MED12L: variants seen among roughly 807,000 people sequenced by gnomAD.
MED12L encodes the protein mediator complex subunit 12L.
A neutral mutation model predicts 281.3 loss-of-function variants in MED12L; 60 were observed. The observed-to-expected ratio is 0.21, with a 90% CI of 0.17 to 0.26. MED12L has a LOEUF of 0.26. MED12L is among the 10% of genes least tolerant of loss of function. The probability of loss-of-function intolerance (pLI) is 1.00; values close to 1 mark genes in which losing one functional copy is unlikely to be tolerated. For synonymous variants in MED12L, 974 were observed against 987.2 expected, an observed-to-expected ratio of 0.99 and a Z score of 0.25; for missense variants, 2,146 against 2,680.9, an observed-to-expected ratio of 0.80 and a Z score of 4.41.
chr3:151,318,340 G>T (rs1194039252), intron 16 of MED12L, among the ~76,000 whole-genome samples: 1 of 142,722 alleles, frequency 7.0e-6, no homozygotes, highest in Non-Finnish European at 1.5e-5. Flanking sequence ...AGCATTTGAA[G>T]CCAGTTTCTT....
intron 16 of MED12L, among the ~76,000 whole-genome samples, chr3:151,252,210 C>T (rs1559941242): frequency 6.6e-6 from 1 of 152,102 alleles, no homozygotes; most frequent in African/African-American, 2.4e-5. Context: ...TCTGTTTATC[C>T]AGTCACCCAA....
At chr3:151,290,742 T>C (rs137940907) in intron 16 of MED12L, among the ~76,000 whole-genome samples, 30 of 152,338 alleles carry the variant, frequency 2.0e-4, no homozygotes, top group African/African-American at 6.5e-4. Context: ...TACACATTTG[T>C]ATACATTAGC....
At chr3:151,102,317 TAAA>T (rs1056381810) in intron 2 of MED12L, among the ~76,000 whole-genome samples, 68 of 151,992 alleles carry the variant, frequency 4.5e-4, no homozygotes, top group African/African-American at 1.6e-3. Context: ...CCCCTGAAAA[TAAA>T]AAGGGTGGAG....
At chr3:151,355,274 G>C (rs1248138773) in intron 18 of MED12L, 35 bp downstream of exon 18, 8 of 1,460,830 alleles carry the variant, frequency 5.5e-6, no homozygotes, top group Non-Finnish European at 7.6e-6. Flanking sequence ...TGCATTTGCA[G>C]TATTCTAATT....
intron 11 of MED12L, among the ~76,000 whole-genome samples, chr3:151,180,204 T>A (rs1405695450): frequency 6.6e-6 from 1 of 152,208 alleles, no homozygotes; most frequent in Non-Finnish European, 1.5e-5. Context: ...ATTTCTGGGT[T>A]TCTTAATTCA....
Position 151,384,107 on chromosome 3 carries a change from C to T in MED12L, c.4815C>T (p.Asp1605=). The part of the protein sequence containing the change: ...TNNELFTTVL[D]MLGVLINGTL... ...GTGAATTATTCACAACAGTTCTTGA[C>T]ATGCTGGGTGTTTTAATCAATGGAA... The change falls in exon 35 of 45, where the codon GAC becomes GAT. Residue 1605 remains aspartate (D), a synonymous_variant. Transcript: ENST00000687756. The T allele has an allele frequency of 6.2e-7, 1 of 1,613,670 alleles. No individual in the cohort carries two copies. Among genetic ancestry groups the T allele is most frequent in the Non-Finnish European group, 8.5e-7 (1 of 1,179,802 alleles).
intron 24 of MED12L, 100 bp downstream of exon 24, chr3:151,367,866 T>C (rs1755475883): frequency 7.4e-7 from 1 of 1,356,698 alleles, no homozygotes; most frequent in Non-Finnish European, 1.0e-6. Context: ...TGAGGGTATG[T>C]ATATTGGGAA....
At chr3:151,140,939 C>T (rs1716843123) in intron 5 of MED12L, among the ~76,000 whole-genome samples, 1 of 152,134 alleles carries the variant, frequency 6.6e-6, no homozygotes, top group African/African-American at 2.4e-5. Flanking sequence ...ACGATCTCGG[C>T]TCACTGCAAA....
intron 16 of MED12L, among the ~76,000 whole-genome samples, chr3:151,275,576 T>C (rs1266210698): frequency 6.6e-6 from 1 of 152,190 alleles, no homozygotes; most frequent in Non-Finnish European, 1.5e-5. Flanking sequence ...ATTGAGAAGC[T>C]TTGCTGTGGT....
chr3:151,166,058 C>G (rs1413740744), intron 11 of MED12L, 76 bp downstream of exon 11: 3 of 1,265,464 alleles, frequency 2.4e-6, no homozygotes, highest in Admixed American at 2.3e-5. Flanking sequence ...TCAGGAAACT[C>G]TGGCGAAACC....
intron 5 of MED12L, among the ~76,000 whole-genome samples, chr3:151,148,769 A>G (rs1718074718): frequency 6.6e-6 from 1 of 152,252 alleles, no homozygotes; most frequent in Admixed American, 6.5e-5. Flanking sequence ...AAAAGGAAGT[A>G]GCTAGGAAAA....
At chr3:151,364,349 G>A (rs1052231450) in intron 21 of MED12L, among the ~76,000 whole-genome samples, 1 of 152,092 alleles carries the variant, frequency 6.6e-6, no homozygotes, top group Non-Finnish European at 1.5e-5. Flanking sequence ...ATCTCTTAAT[G>A]CCTCTGAGAA....
chr3:151,299,920 G>A lies in MED12L; in HGVS notation c.2251-50139G>A, dbSNP rs144723236. ...AGCGATACTGTCCTGCATGTTTGCTGTTTTATACATAAGGAAACACAAAGC... is the reference window on the plus strand; with the variant it reads ...AGCGATACTGTCCTGCATGTTTGCTATTTTATACATAAGGAAACACAAAGC... On this transcript the variant is annotated intron_variant, in intron 16 of 44. Transcript: ENST00000687756. The A allele has an allele frequency of 3.3e-4, 228 of 697,490 alleles. No individual in the cohort carries two copies. In the African/African-American group the frequency reaches 3.4e-3, roughly 10 times the overall value. 43.2% of individuals were successfully genotyped at this position (697,490 alleles called of 1,614,324 possible).
rs1282218962 is a variant in MED12L at position 151,433,760 on chromosome 3, G to A, written c.*956G>A. 6.6e-6 allele frequency: 1 copy of A among 152,560 alleles called. No homozygotes were observed. Among genetic ancestry groups the A allele is most frequent in the Non-Finnish European group, 1.5e-5 (1 of 68,026 alleles). 9.5% of individuals were successfully genotyped at this position (152,560 alleles called of 1,614,324 possible). ...CTGGCCCCAAAGTCCAGAAGGCTCT[G>A]GTTTTCATAAAAGGTGTATTTGCTG... On this transcript the variant is annotated 3_prime_UTR_variant, in exon 45 of 45. Transcript: ENST00000687756.
intron 11 of MED12L, among the ~76,000 whole-genome samples, chr3:151,176,302 G>C (rs1410927668): frequency 6.6e-6 from 1 of 152,124 alleles, no homozygotes; most frequent in Admixed American, 6.5e-5. Flanking sequence ...ATATATACCA[G>C]CAGTAATCAC....
chr3:151,392,685 A>T lies in MED12L; in HGVS notation c.5609-1971A>T, dbSNP rs76281316. Among the ~76,000 whole-genome samples the T allele has an allele frequency of 2.6e-4, 39 of 152,176 alleles. No individual in the cohort carries two copies. In the East Asian group the frequency reaches 7.0e-3, roughly 27 times the overall value. On this transcript the variant is annotated intron_variant, in intron 38 of 44. Coordinates refer to ENST00000687756, the MANE Select transcript of MED12L (RefSeq NM_001393769.1). ...TACAAAAACATATGTATCTTTCCTA[A>T]TCTTTCTCATATATACACACCAGTA...
chr3:151,131,295 G>A (rs985731710), intron 5 of MED12L, among the ~76,000 whole-genome samples: 3 of 152,154 alleles, frequency 2.0e-5, no homozygotes, highest in Admixed American at 1.3e-4. Context: ...AACTTAAAAC[G>A]ATTTTAGAGC....
rs770837392 is a variant in MED12L, at chr3:151,165,820, AC to A, written c.1358-24del. The A allele has an allele frequency of 4.7e-5, 76 of 1,604,776 alleles. No homozygotes were observed. The East Asian group carries it at 1.7e-3, about 35-fold the overall frequency. On this transcript the variant is annotated intron_variant, in intron 10 of 44. Coordinates refer to ENST00000687756, the MANE Select transcript of MED12L (RefSeq NM_001393769.1). Reference sequence around the variant, plus strand: ...AACTGTGTTATTTTTGGCCTCATTAACCACTTGTTTAATTTCTGCCTATAGG... The same window carrying A: ...AACTGTGTTATTTTTGGCCTCATTAACACTTGTTTAATTTCTGCCTATAGG...
chr3:151,166,402 T>C (rs1720719427), intron 11 of MED12L, among the ~76,000 whole-genome samples: 4 of 151,306 alleles, frequency 2.6e-5, no homozygotes, highest in Non-Finnish European at 5.9e-5. Context: ...TGTGTTAGGG[T>C]TCTACAGAGA....
Sources: allele counts gnomAD v4.1 joint callset (sites outside exome capture counted in the v4.1 genomes callset), GRCh38; gene constraint gnomAD v4.1.1; transcripts MANE v1.5; gene names NCBI Gene and HGNC (gene_info 2026-07-23, HGNC 2026-07-21).